Variants in ZMAT1 observed in about 807,000 individuals in gnomAD.
ZMAT1 encodes the protein zinc finger matrin-type 1.
A neutral mutation model predicts 18.5 loss-of-function variants in ZMAT1; 11 were observed. The ratio of observed to expected loss-of-function variants is 0.59; its 90% confidence interval spans 0.37 to 0.98. The LOEUF is 0.98. ZMAT1 is among the 50% of genes least tolerant of loss of function. The probability of loss-of-function intolerance (pLI) is 0.01; values close to 1 mark genes in which losing one functional copy is unlikely to be tolerated. For synonymous variants in ZMAT1, 211 were observed against 176.4 expected (o/e 1.20, Z -1.55); for missense variants, 525 against 496.2 (o/e 1.06, Z -0.55).
In ZMAT1 at chrX:101,897,850, A is replaced by T; in HGVS notation, c.676+18T>A. On this transcript the variant is annotated intron_variant, in intron 4 of 5. Transcript: ENST00000651725. ...GGTAGATCCTGCATTGAAGATCAAG[A>T]GGTGAATGGAACCTTACCCATCTCT... 8.3e-7 allele frequency: 1 copy of T among 1,199,019 alleles called. No individual in the cohort carries two copies. The highest frequency in any genetic ancestry group is 1.1e-6 in the Non-Finnish European group (1 of 886,394).
At chrX:101,898,909 G>A (rs1235250005) in intron 2 of ZMAT1, among the ~76,000 whole-genome samples, 3 of 111,289 alleles carry the variant, frequency 2.7e-5, no homozygotes, top group African/African-American at 3.3e-5. Context: ...TTAGCTGGGC[G>A]TGGTGGTGTG....
chrX:101,895,750 T>C (rs1927756625), intron 4 of ZMAT1: 1 of 601,085 alleles, frequency 1.7e-6, no homozygotes, highest in South Asian at 8.6e-5. Flanking sequence ...GCAAAATTTG[T>C]TCGGATTATT....
chrX:101,931,614 G>GA (rs1346262132), intron 1 of ZMAT1, 103 bp downstream of exon 1: 2 of 714,426 alleles, frequency 2.8e-6, no homozygotes, highest in Non-Finnish European at 3.3e-6. Flanking sequence ...ACGGCAGGTG[G>GA]GGGTGGGGCA....
chrX:101,909,005 ACCT>A (rs1294778290), intron 1 of ZMAT1, among the ~76,000 whole-genome samples: 2 of 107,441 alleles, frequency 1.9e-5, no homozygotes, highest in Non-Finnish European at 3.8e-5. Context: ...TCCAAAAGAG[ACCT>A]CTTCCTTCTG....
At chrX:101,884,885 TA>T in intron 5 of ZMAT1, 64 bp from the exon 6 acceptor site, 4 of 680,897 alleles carry the variant, frequency 5.9e-6, no homozygotes, top group Non-Finnish European at 8.4e-6. Flanking sequence ...TATTTGTTCT[TA>T]AAAGTATTAG....
chrX:101,891,077 A>G (rs748925121), intron 4 of ZMAT1, among the ~76,000 whole-genome samples: 1 of 111,316 alleles, frequency 9.0e-6, no homozygotes, highest in Non-Finnish European at 1.9e-5. Context: ...TGTGGCTGCA[A>G]TACAAAGGAT....
chrX:101,916,219 A>C (rs1454420018), intron 1 of ZMAT1, among the ~76,000 whole-genome samples: 2 of 109,017 alleles, frequency 1.8e-5, no homozygotes, highest in African/African-American at 6.7e-5. Flanking sequence ...TGAGGGGAAT[A>C]ACACACATCG....
intron 2 of ZMAT1, among the ~76,000 whole-genome samples, chrX:101,902,870 AATACT>A (rs1338581820): frequency 8.9e-6 from 1 of 111,781 alleles, no homozygotes; most frequent in Non-Finnish European, 1.9e-5. Flanking sequence ...TATATTTTAC[AATACT>A]ATACTGAGAG....
chrX:101,898,066 G>C, intron 3 of ZMAT1, 24 bp from the exon 4 acceptor site: 1 of 1,208,716 alleles, frequency 8.3e-7, no homozygotes, highest in African/African-American at 1.7e-5. Flanking sequence ...AATCTTGTTA[G>C]AAAGATTCAA....
rs886103499 is a variant in ZMAT1 at position 101,917,831 on chromosome X, T to C, written c.293-13501A>G. 2.7e-4 allele frequency among the ~76,000 whole-genome samples: 30 copies of C among 112,737 alleles called. 1 individual carries two copies. The highest frequency in any genetic ancestry group is 9.4e-4 in the African/African-American group (29 of 31,013). ...ATGGATAAAGAAAATGTGGTACATA[T>C]ACACAATGGAGTACTATTCAGCCAT... On this transcript the variant is annotated intron_variant, in intron 1 of 5. Coordinates refer to ENST00000651725, the MANE Select transcript of ZMAT1 (RefSeq NM_001394560.1).
At chrX:101,909,361 C>CA (rs1371817109) in intron 1 of ZMAT1, among the ~76,000 whole-genome samples, 2 of 110,630 alleles carry the variant, frequency 1.8e-5, no homozygotes, top group African/African-American at 6.6e-5. Context: ...TGCTATGGGG[C>CA]AAAACTCCTT....
chrX:101,884,858 T>A, intron 5 of ZMAT1, 37 bp from the exon 6 acceptor site: 1 of 796,722 alleles, frequency 1.3e-6, no homozygotes, highest in Non-Finnish European at 1.8e-6. Context: ...TATTAGATTA[T>A]TTTATTCTAA....
chrX:101,899,964 T>C (rs144795010), intron 2 of ZMAT1, among the ~76,000 whole-genome samples: 157 of 111,733 alleles, frequency 1.4e-3, no homozygotes, highest in African/African-American at 4.5e-3. Flanking sequence ...ACGCCAACAC[T>C]ACTGTTATTT....
chrX:101,911,154 G>A (rs374762708), intron 1 of ZMAT1, among the ~76,000 whole-genome samples: 19 of 111,436 alleles, frequency 1.7e-4, no homozygotes, highest in East Asian at 8.5e-4. Flanking sequence ...GAAAAAAAAA[G>A]CCCTTTTACC....
chrX:101,892,056 G>C (rs1159759419), intron 4 of ZMAT1, among the ~76,000 whole-genome samples: 2 of 111,109 alleles, frequency 1.8e-5, no homozygotes, highest in Non-Finnish European at 3.8e-5. Context: ...GCTTGTCTGA[G>C]AAGTGTGAAG....
intron 1 of ZMAT1, among the ~76,000 whole-genome samples, chrX:101,929,437 ATAT>A (rs1930312662): frequency 2.5e-5 from 2 of 81,216 alleles, no homozygotes; most frequent in Non-Finnish European, 4.5e-5. Flanking sequence ...ATATATATAT[ATAT>A]ATATATATAT....
chrX:101,931,585 G>A (rs1930491414), intron 1 of ZMAT1, 132 bp downstream of exon 1: 1 of 681,137 alleles, frequency 1.5e-6, no homozygotes, highest in African/African-American at 3.0e-5. Flanking sequence ...GGCGGGGCGA[G>A]CTTGGCCTTT....
intron 4 of ZMAT1, chrX:101,887,038 T>C (rs746869793): frequency 1.5e-4 from 24 of 157,534 alleles, no homozygotes; most frequent in Non-Finnish European, 2.7e-4. Flanking sequence ...TACATGGAGG[T>C]GCAACAGGCA....
intron 5 of ZMAT1, among the ~76,000 whole-genome samples, chrX:101,885,417 C>A (rs1926861523): frequency 9.0e-6 from 1 of 110,723 alleles, no homozygotes; most frequent in Non-Finnish European, 1.9e-5. Flanking sequence ...GTATTCCCAG[C>A]TACTGAGGCT....
Sources: allele counts gnomAD v4.1 joint callset (sites outside exome capture counted in the v4.1 genomes callset), GRCh38; gene constraint gnomAD v4.1.1; transcripts MANE v1.5; gene names NCBI Gene and HGNC (gene_info 2026-07-23, HGNC 2026-07-21).